The following BRF1 variants were observed in gnomAD, a reference collection of about 807,000 sequenced individuals.
BRF1 encodes transcription factor IIIB 90 kDa subunit.
In BRF1, 59 loss-of-function variants were observed where a neutral mutation model predicts 81.7. The ratio of observed to expected loss-of-function variants is 0.72; its 90% CI spans 0.59 to 0.90. The LOEUF (loss-of-function observed/expected upper bound fraction) is 0.90, where lower values mean the gene tolerates loss of function less well. BRF1 is among the 40% of genes least tolerant of loss of function. BRF1 has a pLI of 0.00. For missense variants in BRF1, 1,050 were observed against 936.3 expected, an observed-to-expected ratio of 1.12 and a Z score of -1.58; for synonymous variants, 491 against 395.6, an observed-to-expected ratio of 1.24 and a Z score of -2.86.
upstream of BRF1, among the ~76,000 whole-genome samples, chr14:105,304,965 C>T (rs947583746): frequency 6.6e-6 from 1 of 152,260 alleles, no homozygotes; most frequent in Non-Finnish European, 1.5e-5. Flanking sequence ...GGTGGGTACA[C>T]AGAGCCAAAT....
upstream of BRF1, among the ~76,000 whole-genome samples, chr14:105,303,742 T>C (rs191875595): frequency 5.7e-4 from 87 of 152,364 alleles, 1 homozygote; most frequent in African/African-American, 2.0e-3. Flanking sequence ...CCAAGGGTTA[T>C]TAGGAAGTGT....
rs943704083 is a variant in BRF1, at chr14:105,226,684, A to G, written c.865T>C (p.Cys289Arg). 37 of 1,613,174 alleles carry G rather than the reference A, an allele frequency of 2.3e-5. No homozygotes were observed. Among genetic ancestry groups the G allele is most frequent in the Non-Finnish European group, 2.9e-5 (34 of 1,179,986 alleles). Residue 289 changes from cysteine (C) to arginine (R), a missense_variant, in exon 8 of 18, where the codon TGC (cysteine) becomes CGC (arginine). By Grantham distance (180) the Cys-to-Arg change is radical (BLOSUM62 -3). Around this residue, in one of 2 missense-constraint regions of BRF1, gnomAD observed 1,043 missense variants for 915.4 expected, o/e 1.14. Transcript: ENST00000547530. ...CCAGCTGTGTACGAGGGGGGGTCGC[A>G]CTCCTCCTCCAGGTCGATCTTCATG... The part of the protein sequence containing the change: ...EFMKIDLEEE[C>R]DPPSYTAGQR...
chr14:105,300,640 G>C lies in BRF1; in HGVS notation c.-11C>G, dbSNP rs1380378798. On this transcript the variant is annotated 5_prime_UTR_variant, in exon 1 of 18. Transcript: ENST00000547530. ...CACGCGGCCCGTCATGCCGGCGACCGCGCGGGCAGCGCCCGGAGCCTCCCA... is the reference window on the plus strand; with the variant it reads ...CACGCGGCCCGTCATGCCGGCGACCCCGCGGGCAGCGCCCGGAGCCTCCCA... 7.4e-7 allele frequency: 1 copy of C among 1,352,352 alleles called. No individual in the cohort carries two copies. Among genetic ancestry groups the C allele is most frequent in the South Asian group, 1.9e-5 (1 of 52,416 alleles). 83.8% of individuals were successfully genotyped at this position (1,352,352 alleles called of 1,614,324 possible).
intron 1 of BRF1, among the ~76,000 whole-genome samples, chr14:105,313,652 G>T (rs986600473): frequency 6.6e-6 from 1 of 152,276 alleles, no homozygotes; most frequent in Non-Finnish European, 1.5e-5. Flanking sequence ...GGCCAGGAAA[G>T]AAACCAGCTC....
intron 2 of BRF1, among the ~76,000 whole-genome samples, chr14:105,275,071 T>C (rs939665134): frequency 6.6e-6 from 1 of 152,216 alleles, no homozygotes; most frequent in Non-Finnish European, 1.5e-5. Context: ...CAGATTTATT[T>C]GATAAGGGCA....
chr14:105,250,363 T>C (rs773470531), intron 5 of BRF1: 45 of 1,613,592 alleles, frequency 2.8e-5, no homozygotes, highest in Non-Finnish European at 3.7e-5. Context: ...CTGGGAAGGC[T>C]GAGTACAGCG....
Position 105,300,427 on chromosome 14 carries a change from G to T in BRF1, c.184+19C>A. ...AGCCGCACCGAGAAATCCGCGCAGCGCCAGCCCGCGGGACTCACCGTCCAG... is the reference window on the plus strand; with the variant it reads ...AGCCGCACCGAGAAATCCGCGCAGCTCCAGCCCGCGGGACTCACCGTCCAG... On this transcript the variant is annotated intron_variant, in intron 1 of 17. Coordinates refer to ENST00000547530, the MANE Select transcript of BRF1 (RefSeq NM_001519.4). The T allele has an allele frequency of 6.6e-7, 1 of 1,507,630 alleles. No individual in the cohort carries two copies. The highest frequency in any genetic ancestry group is 8.8e-7 in the Non-Finnish European group (1 of 1,134,274). The allele number at this position is 1,507,630 out of a possible 1,614,324, so 93.4% of individuals were successfully genotyped here. A position where few individuals can be genotyped will look rare whatever the true frequency, so the allele number is the denominator to read the frequency against.
At chr14:105,301,824 T>C (rs1237902138), upstream of BRF1, among the ~76,000 whole-genome samples, 5 of 152,146 alleles carry the variant, frequency 3.3e-5, no homozygotes, top group Admixed American at 3.3e-4. Context: ...GCCGGTGACA[T>C]ACCCAGGAAT....
chr14:105,304,352 A>G (rs1051904282), upstream of BRF1, among the ~76,000 whole-genome samples: 5 of 151,980 alleles, frequency 3.3e-5, no homozygotes, highest in South Asian at 2.1e-4. Context: ...AGCAGGTGTG[A>G]TGGTGGGCGC....
rs750479257 is a variant in BRF1 at position 105,250,096 on chromosome 14, C to G, written c.544+2411G>C. The G allele has an allele frequency of 1.2e-5, 20 of 1,612,844 alleles. No homozygotes were observed. The African/African-American group carries it at 2.7e-4, about 22-fold the overall frequency. ...CAACCATGACCCTAGAGGAGTTTGCCAACGGCGCTGCCCAGTCAGACATCC... is the reference window on the plus strand; with the variant it reads ...CAACCATGACCCTAGAGGAGTTTGCGAACGGCGCTGCCCAGTCAGACATCC... On this transcript the variant is annotated intron_variant, in intron 5 of 17. Transcript: ENST00000547530.
chr14:105,314,290 C>G (rs1401310331), intron 1 of BRF1: 1 of 142,392 alleles, frequency 7.0e-6, no homozygotes, highest in East Asian at 2.1e-4. Context: ...CGGGGAGACT[C>G]GGGGCATGGC....
At chr14:105,229,496 C>T (rs747321113) in intron 6 of BRF1, among the ~76,000 whole-genome samples, 2 of 152,214 alleles carry the variant, frequency 1.3e-5, no homozygotes, top group African/African-American at 4.8e-5. Flanking sequence ...GCCCTGCCGA[C>T]CTGGGGCTCC....
chr14:105,241,764 G>A (rs779884362), intron 5 of BRF1: 85 of 312,852 alleles, frequency 2.7e-4, no homozygotes, highest in East Asian at 5.5e-4. Context: ...ACAACGGTCC[G>A]GGGACTCTTA....
At position 105,226,099 on chromosome 14, in the gene BRF1, T is replaced by G. The variant is rs1366991609; in HGVS notation, c.1018A>C (p.Lys340Gln). Residue 340 changes from lysine to glutamine, a missense_variant, in exon 10 of 18, where the codon AAG becomes CAG. By Grantham distance (53) the Lys-to-Gln change is moderately conservative (BLOSUM62 1). This residue lies in a region of BRF1 where 1,043 missense variants were observed against 915.4 expected (regional missense o/e 1.14). Transcript: ENST00000547530. ...IELENSRPKA[K>Q]GGLASLAKDG... ...TTTGCCAGGCTGGCCAGGCCCCCCTTGGCCTTTGGCCGGCTGTTTTCTAGT... is the reference window on the plus strand; with the variant it reads ...TTTGCCAGGCTGGCCAGGCCCCCCTGGGCCTTTGGCCGGCTGTTTTCTAGT... 2 of 1,613,958 alleles carry G rather than the reference T, an allele frequency of 1.2e-6. No homozygotes were observed. Among genetic ancestry groups the G allele is most frequent in the Non-Finnish European group, 1.7e-6 (2 of 1,180,026 alleles).
Position 105,274,850 on chromosome 14 carries a change from G to A in BRF1, c.266-1956C>T, listed in dbSNP as rs587626887. Among the ~76,000 whole-genome samples, 12 of 152,340 alleles carry A rather than the reference G, an allele frequency of 7.9e-5. No homozygotes were observed. The East Asian group carries it at 1.7e-3, about 22-fold the overall frequency. On this transcript the variant is annotated intron_variant, in intron 2 of 17. Transcript: ENST00000547530. ...CCCCACTTCTGTCTGCACAGTGGGCGTCGTGGGCAGGCAGAGTCCTTGCTC... is the reference window on the plus strand; with the variant it reads ...CCCCACTTCTGTCTGCACAGTGGGCATCGTGGGCAGGCAGAGTCCTTGCTC...
upstream of BRF1, among the ~76,000 whole-genome samples, chr14:105,303,866 C>T (rs1203227910): frequency 6.6e-6 from 1 of 152,238 alleles, no homozygotes; most frequent in Non-Finnish European, 1.5e-5. Context: ...AGCTTGCAGA[C>T]ACTGTTGTCT....
chr14:105,252,753 C>T (rs997542073), intron 4 of BRF1, among the ~76,000 whole-genome samples, 174 bp from the exon 5 acceptor site: 1 of 152,234 alleles, frequency 6.6e-6, no homozygotes, highest in South Asian at 2.1e-4. Context: ...GCTCCCAGGG[C>T]CCTGCCTTCT....
In BRF1 at chr14:105,228,840, A is replaced by G. The variant is rs772867879; in HGVS notation, c.768T>C (p.Cys256=). ...VKEVISVVKV[C]ESTLRKRLTE... ...CTCACCTCTTCCGCAGCGTGGACTC[A>G]CACACTTTGACCACACTGATGACCT... Residue 256 remains cysteine, a synonymous_variant, in exon 7 of 18, where the codon TGT becomes TGC. Coordinates refer to ENST00000547530, the MANE Select transcript of BRF1 (RefSeq NM_001519.4). The G allele has an allele frequency of 3.7e-6, 6 of 1,613,934 alleles. No homozygotes were observed. The highest frequency in any genetic ancestry group is 5.1e-6 in the Non-Finnish European group (6 of 1,179,998).
intron 2 of BRF1, among the ~76,000 whole-genome samples, chr14:105,283,438 C>T (rs1399922222): frequency 6.6e-6 from 1 of 152,172 alleles, no homozygotes; most frequent in African/African-American, 2.4e-5. Context: ...ACCACCCATC[C>T]CCAGTAAGAC....
Sources: gnomAD v4.1 joint callset for allele counts (sites outside exome capture counted in the v4.1 genomes callset) on GRCh38, gnomAD v4.1.1 for gene constraint, gnomAD v4.1.1 regional missense constraint, MANE v1.5 for transcripts, NCBI Gene and HGNC (gene_info 2026-07-23, HGNC 2026-07-21) for gene names.